Variants in NINL observed in about 807,000 individuals in gnomAD.
NINL encodes ninein-like protein.
Under a neutral mutation model 160.3 loss-of-function variants are expected in NINL, and 153 were observed. That is an observed-to-expected ratio of 0.95 (90% CI 0.84 to 1.09). The LOEUF is 1.09. Among genes scored for constraint, NINL ranks in the 50% least tolerant of loss-of-function variants. NINL has a pLI of 0.00. For synonymous variants in NINL, 800 were observed against 734.8 expected (o/e 1.09, Z -1.43); for missense variants, 1,829 against 1,764.0 (o/e 1.04, Z -0.66).
chr20:25,549,193 G>A (rs2064777135), intron 1 of NINL, among the ~76,000 whole-genome samples: 1 of 117,808 alleles, frequency 8.5e-6, no homozygotes, highest in Admixed American at 8.3e-5. Flanking sequence ...CCCACACCCA[G>A]CCTCACCCAG....
Position 25,477,007 on chromosome 20 carries a change from C to G in NINL, c.2284G>C (p.Glu762Gln). Residue 762 changes from glutamate (E) to glutamine (Q), a missense_variant, in exon 17 of 24, where the codon GAG becomes CAG. Transcript: ENST00000278886. Reference protein sequence around the residue: ...PARRDLTLELEEPPQGPLPRG... With the variant: ...PARRDLTLELQEPPQGPLPRG... ...GGCAGGGGTCCCTGCGGCGGCTCCT[C>G]CAGCTCCAAGGTCAGGTCTCTGCGA... 2 of 1,601,624 alleles carry G rather than the reference C, an allele frequency of 1.2e-6. No homozygotes were observed. Among genetic ancestry groups the G allele is most frequent in the Non-Finnish European group, 1.7e-6 (2 of 1,179,738 alleles).
intron 1 of NINL, among the ~76,000 whole-genome samples, chr20:25,571,627 G>A (rs1600364244): frequency 6.6e-6 from 1 of 152,170 alleles, no homozygotes; most frequent in South Asian, 2.1e-4. Flanking sequence ...CAGTACTTTG[G>A]GAGGCTGAGG....
At chr20:25,537,483 C>A (rs1022129345) in intron 1 of NINL, among the ~76,000 whole-genome samples, 4 of 152,242 alleles carry the variant, frequency 2.6e-5, no homozygotes, top group Non-Finnish European at 5.9e-5. Flanking sequence ...TGGCTCTGCA[C>A]ATACAACCCA....
chr20:25,582,809 T>TA (rs887216122), intron 1 of NINL, among the ~76,000 whole-genome samples: 35 of 148,292 alleles, frequency 2.4e-4, no homozygotes, highest in East Asian at 5.9e-4. Flanking sequence ...TTTAACTACT[T>TA]AAAAAAAAAA....
intron 1 of NINL, among the ~76,000 whole-genome samples, chr20:25,568,845 G>T (rs1289603038): frequency 6.6e-6 from 1 of 152,024 alleles, no homozygotes; most frequent in South Asian, 2.1e-4. Context: ...CCAGTGCTTT[G>T]GGAGGCTGAG....
chr20:25,536,329 A>G (rs1055775471), intron 1 of NINL, among the ~76,000 whole-genome samples: 2 of 152,338 alleles, frequency 1.3e-5, no homozygotes, highest in East Asian at 3.9e-4. Context: ...ACTGCTGTGT[A>G]CTGCCCACTG....
At chr20:25,526,364 T>C (rs2064357996) in intron 2 of NINL, 44 bp downstream of exon 2, 3 of 1,551,548 alleles carry the variant, frequency 1.9e-6, no homozygotes, top group African/African-American at 2.8e-5. Flanking sequence ...GAGCCAACTA[T>C]AGACCCCGTG....
chr20:25,499,516 G>A (rs969308782), intron 8 of NINL, among the ~76,000 whole-genome samples: 3 of 152,132 alleles, frequency 2.0e-5, no homozygotes, highest in Admixed American at 6.5e-5. Flanking sequence ...GTCAGGTGTC[G>A]GGCATCTTGG....
At chr20:25,512,756 T>C in intron 4 of NINL, 78 bp downstream of exon 4, 1 of 1,491,776 alleles carries the variant, frequency 6.7e-7, no homozygotes, top group Non-Finnish European at 8.9e-7. Context: ...TGTGATTATG[T>C]GCTACAAAAA....
In NINL at chr20:25,476,925, G is replaced by C; in HGVS notation, c.2366C>G (p.Pro789Arg). 1 of 1,612,370 alleles carries C rather than the reference G, an allele frequency of 6.2e-7. No individual in the cohort carries two copies. Among genetic ancestry groups the C allele is most frequent in the Non-Finnish European group, 8.5e-7 (1 of 1,179,906 alleles). The change falls in exon 17 of 24, where the codon CCC becomes CGC. Residue 789 changes from proline (P) to arginine (R), a missense_variant. Pro to Arg is a moderately radical substitution (Grantham distance 103). Coordinates refer to ENST00000278886, the MANE Select transcript of NINL (RefSeq NM_025176.6). ...LELERALKLQ[P>R]CASEKRAQMC... Reference sequence around the variant, plus strand: ...CTGGGCGCGCTTCTCGCTCGCACAGGGCTGCAGCTTCAGTGCCCTCTCCAG... The same window carrying C: ...CTGGGCGCGCTTCTCGCTCGCACAGCGCTGCAGCTTCAGTGCCCTCTCCAG...
chr20:25,527,299 G>A (rs904081835), intron 1 of NINL, among the ~76,000 whole-genome samples: 2 of 151,926 alleles, frequency 1.3e-5, no homozygotes, highest in African/African-American at 4.8e-5. Context: ...GACTACAGGT[G>A]CACGCCACCA....
chr20:25,491,123 G>A (rs1191540957), intron 11 of NINL, among the ~76,000 whole-genome samples: 1 of 152,232 alleles, frequency 6.6e-6, no homozygotes, highest in Non-Finnish European at 1.5e-5. Flanking sequence ...GAAAGTGGGA[G>A]TGGTGGGGAA....
Position 25,481,783 on chromosome 20 carries a change from C to T in NINL, c.1810+185G>A, listed in dbSNP as rs1348687094. 12 of 830,692 alleles carry T rather than the reference C, an allele frequency of 1.4e-5. 1 individual carries two copies. The highest frequency in any genetic ancestry group is 1.2e-4 in the South Asian group (6 of 51,114). The allele number at this position is 830,692 out of a possible 1,614,324, so 51.5% of individuals were successfully genotyped here. On this transcript the variant is annotated intron_variant, in intron 14 of 23. Coordinates refer to ENST00000278886, the MANE Select transcript of NINL (RefSeq NM_025176.6). ...CCTCCTCCCTCTGCAGGTGACCTTCCGTGTTGCAAGGTCACCCTGTGGCAT... is the reference window on the plus strand; with the variant it reads ...CCTCCTCCCTCTGCAGGTGACCTTCTGTGTTGCAAGGTCACCCTGTGGCAT...
Position 25,480,185 on chromosome 20 carries a change from G to GTCT in NINL, c.1890_1892dup (p.Gln630_Asp631insGlu). ...CCTTGGTCTCCAGCTGGGTCCTGAG[G>GTCT]TCTTGGTAATGCTCCTTTACCTGCT... On this transcript the variant is annotated inframe_insertion, in exon 15 of 24. Transcript: ENST00000278886. 2 of 1,613,950 alleles carry GTCT rather than the reference G, an allele frequency of 1.2e-6. No homozygotes were observed. The highest frequency in any genetic ancestry group is 1.7e-6 in the Non-Finnish European group (2 of 1,179,934).
At chr20:25,482,484 G>C (rs1300922597) in intron 13 of NINL, among the ~76,000 whole-genome samples, 1 of 152,110 alleles carries the variant, frequency 6.6e-6, no homozygotes, top group Non-Finnish European at 1.5e-5. Context: ...GATTACAGGT[G>C]TGCGCCACTA....
At chr20:25,555,841 A>G (rs2064859108) in intron 1 of NINL, among the ~76,000 whole-genome samples, 1 of 152,062 alleles carries the variant, frequency 6.6e-6, no homozygotes, top group Non-Finnish European at 1.5e-5. Context: ...CGCTTGGGTA[A>G]TTTTTGTATT....
Position 25,458,472 on chromosome 20 carries a change from G to A in NINL, c.3754C>T (p.Arg1252Trp), listed in dbSNP as rs372116474. ...QAQAQHLQEV[R>W]LVPQDRVAEL... The stretch of plus-strand genomic sequence containing the variant: ...GCCACACGGTCCTGGGGCACCAGCC[G>A]GACCTCCTGCAAGTGCTGGGCCTGG... Residue 1252 changes from arginine (R) to tryptophan (W), a missense_variant, in exon 22 of 24, where the codon CGG (arginine) becomes TGG (tryptophan). Arg to Trp is a moderately radical substitution (Grantham distance 101, BLOSUM62 -3). Coordinates refer to ENST00000278886, the MANE Select transcript of NINL (RefSeq NM_025176.6). The A allele has an allele frequency of 2.9e-5, 46 of 1,603,370 alleles. 1 individual carries two copies. The South Asian group carries it at 3.1e-4, about 11-fold the overall frequency.
At chr20:25,577,911 C>T (rs1707528573) in intron 1 of NINL, among the ~76,000 whole-genome samples, 1 of 151,628 alleles carries the variant, frequency 6.6e-6, no homozygotes, top group African/African-American at 2.4e-5. Context: ...CGGCTCACTG[C>T]AATCTCCACC....
At chr20:25,495,405 G>A (rs558100570) in intron 10 of NINL, among the ~76,000 whole-genome samples, 1 of 152,308 alleles carries the variant, frequency 6.6e-6, no homozygotes, top group Admixed American at 6.5e-5. Flanking sequence ...TGCTAGCCAC[G>A]CTCAGCTGAG....
Sources: gnomAD v4.1 joint callset for allele counts (sites outside exome capture counted in the v4.1 genomes callset) on GRCh38, gnomAD v4.1.1 for gene constraint, MANE v1.5 for transcripts, NCBI Gene and HGNC (gene_info 2026-07-23, HGNC 2026-07-21) for gene names.